Variants in MARCHF4 observed in about 807,000 individuals in gnomAD.
The protein encoded by MARCHF4 is E3 ubiquitin-protein ligase MARCHF4.
In MARCHF4, 14 loss-of-function variants were observed where a neutral mutation model predicts 43.9. That is an observed-to-expected ratio of 0.32 (90% CI 0.21 to 0.50). The LOEUF is 0.50. Among genes scored for constraint, MARCHF4 ranks in the 20% least tolerant of loss-of-function variants. The pLI is 0.98. For missense variants in MARCHF4, 468 were observed against 536.7 expected (o/e 0.87, Z 1.27); for synonymous variants, 226 against 213.3 (o/e 1.06, Z -0.52).
intron 1 of MARCHF4, among the ~76,000 whole-genome samples, chr2:216,321,052 A>AT (rs1691887916): frequency 6.6e-6 from 1 of 151,908 alleles, no homozygotes. Context: ...TGATGTTGGA[A>AT]TGCCAGAGCT....
intron 1 of MARCHF4, among the ~76,000 whole-genome samples, chr2:216,285,233 A>G (rs1286187314): frequency 6.6e-6 from 1 of 152,218 alleles, no homozygotes; most frequent in Non-Finnish European, 1.5e-5. Flanking sequence ...TGGGAACCAC[A>G]TCCATTTTGT....
chr2:216,278,277 G>A (rs1453531063), intron 2 of MARCHF4, among the ~76,000 whole-genome samples: 1 of 152,168 alleles, frequency 6.6e-6, no homozygotes, highest in Non-Finnish European at 1.5e-5. Context: ...CGGCTGGAGT[G>A]CAGTGGCACG....
At chr2:216,260,017 C>T (rs1690716061) in intron 3 of MARCHF4, among the ~76,000 whole-genome samples, 1 of 152,228 alleles carries the variant, frequency 6.6e-6, no homozygotes, top group African/African-American at 2.4e-5. Context: ...ATCCATGGCA[C>T]CCAGTCCTTA....
At position 216,353,014 on chromosome 2, in the gene MARCHF4, A is replaced by C. The variant is rs79323521; in HGVS notation, c.516+16731T>G. Reference sequence around the variant, plus strand: ...CCTTGTGTGGGAGAAAGATAAAACAAGTTGATATCACAGTTTAAATAAAAG... The same window carrying C: ...CCTTGTGTGGGAGAAAGATAAAACACGTTGATATCACAGTTTAAATAAAAG... On this transcript the variant is annotated intron_variant, in intron 1 of 3. Transcript: ENST00000273067. Among the ~76,000 whole-genome samples the C allele has an allele frequency of 1.4e-4, 22 of 152,336 alleles. No individual in the cohort carries two copies. In the East Asian group the frequency reaches 4.0e-3, roughly 28 times the overall value.
At chr2:216,317,274 T>A (rs1042993276) in intron 1 of MARCHF4, among the ~76,000 whole-genome samples, 2 of 152,240 alleles carry the variant, frequency 1.3e-5, no homozygotes, top group African/African-American at 4.8e-5. Context: ...AATATTTTTA[T>A]GTGTATTTAG....
chr2:216,272,055 TA>T (rs892687978), intron 3 of MARCHF4, among the ~76,000 whole-genome samples: 3 of 149,150 alleles, frequency 2.0e-5, no homozygotes, highest in Non-Finnish European at 4.4e-5. Flanking sequence ...TAGAGATCTC[TA>T]AAAAAACACC....
intron 1 of MARCHF4, among the ~76,000 whole-genome samples, chr2:216,328,657 G>A (rs534893293): frequency 4.6e-5 from 7 of 152,292 alleles, no homozygotes; most frequent in Admixed American, 1.3e-4. Context: ...AACTCAAAGA[G>A]TAAATCTGGT....
intron 1 of MARCHF4, among the ~76,000 whole-genome samples, chr2:216,302,376 G>A (rs1180067150): frequency 5.2e-5 from 7 of 135,136 alleles, no homozygotes; most frequent in East Asian, 2.1e-4. Flanking sequence ...CTGCCACCAC[G>A]CCCATCTAAT....
intron 2 of MARCHF4, among the ~76,000 whole-genome samples, chr2:216,281,639 G>C (rs145147348): frequency 5.3e-4 from 81 of 152,310 alleles, no homozygotes; most frequent in African/African-American, 1.8e-3. Flanking sequence ...GGACAATTTG[G>C]ACCACAACCA....
chr2:216,283,830 C>A (rs1691175186), intron 1 of MARCHF4, 101 bp from the exon 2 acceptor site: 2 of 1,263,618 alleles, frequency 1.6e-6, no homozygotes, highest in Admixed American at 4.9e-5. Flanking sequence ...TTGAGCCACC[C>A]AAGTAGGCCA....
At chr2:216,337,508 A>G (rs934704814) in intron 1 of MARCHF4, among the ~76,000 whole-genome samples, 1 of 152,164 alleles carries the variant, frequency 6.6e-6, no homozygotes, top group Non-Finnish European at 1.5e-5. Flanking sequence ...GATAATTTTT[A>G]TTTTCTTCTT....
chr2:216,323,369 A>G (rs956058509), intron 1 of MARCHF4, among the ~76,000 whole-genome samples: 8 of 152,186 alleles, frequency 5.3e-5, no homozygotes, highest in African/African-American at 1.9e-4. Context: ...AGATAATAAT[A>G]GTATCTACTG....
chr2:216,364,279 C>T (rs1401914942), intron 1 of MARCHF4, among the ~76,000 whole-genome samples: 1 of 152,038 alleles, frequency 6.6e-6, no homozygotes, highest in Non-Finnish European at 1.5e-5. Context: ...CAGAGGTTGT[C>T]CTTTCAAGAA....
intron 1 of MARCHF4, among the ~76,000 whole-genome samples, chr2:216,334,175 T>C (rs951782603): frequency 6.6e-6 from 1 of 152,062 alleles, no homozygotes; most frequent in Non-Finnish European, 1.5e-5. Context: ...CCCTTAAAAG[T>C]GGAAGAAGGC....
chr2:216,350,877 T>C (rs539577727), intron 1 of MARCHF4, among the ~76,000 whole-genome samples: 22 of 152,354 alleles, frequency 1.4e-4, no homozygotes, highest in Middle Eastern at 3.4e-3. Context: ...AGCACTATGC[T>C]TGGCACATCA....
intron 1 of MARCHF4, among the ~76,000 whole-genome samples, chr2:216,361,127 G>A (rs1445315449): frequency 6.6e-6 from 1 of 152,010 alleles, no homozygotes; most frequent in Non-Finnish European, 1.5e-5. Flanking sequence ...AACAAAACAA[G>A]GTGAGAAATT....
chr2:216,337,366 C>G (rs942758975), intron 1 of MARCHF4, among the ~76,000 whole-genome samples: 1 of 152,108 alleles, frequency 6.6e-6, no homozygotes, highest in Non-Finnish European at 1.5e-5. Context: ...AAAAGTTCTT[C>G]AAGCATTACT....
chr2:216,352,263 C>T (rs1369189284), intron 1 of MARCHF4, among the ~76,000 whole-genome samples: 1 of 152,204 alleles, frequency 6.6e-6, no homozygotes, highest in Non-Finnish European at 1.5e-5. Flanking sequence ...GTCCCCCTTC[C>T]TCAAGTGGGC....
chr2:216,317,883 T>C (rs1217219065), intron 1 of MARCHF4, among the ~76,000 whole-genome samples: 1 of 152,218 alleles, frequency 6.6e-6, no homozygotes, highest in Non-Finnish European at 1.5e-5. Flanking sequence ...TTTGTGCTGA[T>C]GGAGGACAAT....
Sources: gnomAD v4.1 joint callset for allele counts (sites outside exome capture counted in the v4.1 genomes callset) on GRCh38, gnomAD v4.1.1 for gene constraint, MANE v1.5 for transcripts, NCBI Gene and HGNC (gene_info 2026-07-23, HGNC 2026-07-21) for gene names.